The following FOXN3 variants were observed in gnomAD, a reference collection of about 807,000 sequenced individuals.
The protein encoded by FOXN3 is forkhead box protein N3.
FOXN3 carries 7 observed loss-of-function variants against 38.4 expected under a neutral mutation model. The observed-to-expected ratio is 0.18, with a 90% CI of 0.10 to 0.34. The LOEUF is 0.34. Among genes scored for constraint, FOXN3 ranks in the 10% least tolerant of loss-of-function variants. The probability of loss-of-function intolerance (pLI) is 1.00; values close to 1 mark genes in which losing one functional copy is unlikely to be tolerated. For synonymous variants in FOXN3, 230 were observed against 242.2 expected (o/e 0.95, Z 0.47); for missense variants, 456 against 613.4 (o/e 0.74, Z 2.71).
chr14:89,383,459 C>G (rs1328488808), intron 2 of FOXN3, among the ~76,000 whole-genome samples: 1 of 152,198 alleles, frequency 6.6e-6, no homozygotes, highest in Non-Finnish European at 1.5e-5. Flanking sequence ...CCAGAGCTGC[C>G]ATCACAAATT....
intron 1 of FOXN3, among the ~76,000 whole-genome samples, chr14:89,453,180 C>G (rs1566661341): frequency 6.6e-6 from 1 of 151,168 alleles, no homozygotes; most frequent in Non-Finnish European, 1.5e-5. Context: ...GCTTGGGAGA[C>G]AAGAGGAAAA....
chr14:89,367,756 C>A (rs1267875875), intron 2 of FOXN3, among the ~76,000 whole-genome samples: 1 of 152,192 alleles, frequency 6.6e-6, no homozygotes, highest in Non-Finnish European at 1.5e-5. Flanking sequence ...GCAGCAACCA[C>A]GTGGAAAAGG....
chr14:89,466,979 A>C (rs186214321), intron 1 of FOXN3, among the ~76,000 whole-genome samples: 255 of 152,370 alleles, frequency 1.7e-3, no homozygotes, highest in African/African-American at 5.7e-3. Flanking sequence ...TAAAGACGTG[A>C]TCACAGCGCC....
chr14:89,355,536 C>T (rs1052625767), intron 2 of FOXN3, among the ~76,000 whole-genome samples: 1 of 152,156 alleles, frequency 6.6e-6, no homozygotes, highest in Admixed American at 6.5e-5. Flanking sequence ...TACGCCCAGC[C>T]TATACTTTAA....
At chr14:89,435,373 TAAAAAAAA>T (rs763454392) in intron 1 of FOXN3, among the ~76,000 whole-genome samples, 4 of 131,334 alleles carry the variant, frequency 3.0e-5, no homozygotes, top group Non-Finnish European at 4.9e-5. Flanking sequence ...CCCTGTCTCT[TAAAAAAAA>T]AAAAAAAAAA....
At chr14:89,455,548 A>G (rs1892703339) in intron 1 of FOXN3, among the ~76,000 whole-genome samples, 1 of 152,180 alleles carries the variant, frequency 6.6e-6, no homozygotes, top group African/African-American at 2.4e-5. Flanking sequence ...CAGCCACTGG[A>G]GTAACGCCGA....
intron 1 of FOXN3, among the ~76,000 whole-genome samples, chr14:89,507,133 A>AG (rs1893958063): frequency 6.7e-6 from 1 of 149,272 alleles, no homozygotes; most frequent in South Asian, 2.1e-4. Flanking sequence ...AAAAAAAAAA[A>AG]GAAAAAAAAA....
At chr14:89,311,579 C>T (rs1887549930) in intron 3 of FOXN3, among the ~76,000 whole-genome samples, 1 of 151,710 alleles carries the variant, frequency 6.6e-6, no homozygotes, top group Admixed American at 6.6e-5. Context: ...GTAATCCCAG[C>T]ACTTTGGGAG....
intron 1 of FOXN3, among the ~76,000 whole-genome samples, chr14:89,498,467 C>T (rs1350668602): frequency 6.6e-6 from 1 of 151,996 alleles, no homozygotes; most frequent in South Asian, 2.1e-4. Flanking sequence ...GTGATCCGCC[C>T]GCCTCTGCCT....
At chr14:89,335,265 A>C (rs1367533470) in intron 3 of FOXN3, among the ~76,000 whole-genome samples, 1 of 152,248 alleles carries the variant, frequency 6.6e-6, no homozygotes, top group Admixed American at 6.5e-5. Flanking sequence ...GGGGCACAGA[A>C]GGACCAAAAA....
chr14:89,259,441 C>G (rs1885728609), intron 4 of FOXN3, among the ~76,000 whole-genome samples: 1 of 152,182 alleles, frequency 6.6e-6, no homozygotes, highest in Admixed American at 6.5e-5. Context: ...TGATCCCACT[C>G]CCAAACCAAT....
At chr14:89,398,973 A>C (rs968559205) in intron 2 of FOXN3, among the ~76,000 whole-genome samples, 5 of 152,214 alleles carry the variant, frequency 3.3e-5, no homozygotes, top group African/African-American at 1.2e-4. Context: ...AACAAGAGTA[A>C]AACTTCATCT....
chr14:89,603,949 C>T (rs1303451651), intron 1 of FOXN3, among the ~76,000 whole-genome samples: 1 of 151,982 alleles, frequency 6.6e-6, no homozygotes, highest in Non-Finnish European at 1.5e-5. Context: ...AAAATAAGTG[C>T]TAAGTAGAAA....
intron 4 of FOXN3, among the ~76,000 whole-genome samples, chr14:89,181,451 G>A (rs773308952): frequency 3.9e-5 from 6 of 152,110 alleles, no homozygotes; most frequent in South Asian, 2.1e-4. Flanking sequence ...CGTAAAAGCC[G>A]ATTTTAAAAG....
At chr14:89,438,827 A>C (rs142349537) in intron 1 of FOXN3, among the ~76,000 whole-genome samples, 8,244 of 151,500 alleles carry the variant, frequency 0.054, 291 homozygotes, top group Middle Eastern at 0.11. Flanking sequence ...GCAATGGCGC[A>C]ATCTCGGCCC....
intron 1 of FOXN3, among the ~76,000 whole-genome samples, chr14:89,555,303 A>G (rs1895094752): frequency 6.6e-6 from 1 of 152,222 alleles, no homozygotes; most frequent in African/African-American, 2.4e-5. Context: ...GTTGCAATTA[A>G]TATGATCAAT....
At chr14:89,581,548 C>CT (rs1171979475) in intron 1 of FOXN3, among the ~76,000 whole-genome samples, 4 of 152,034 alleles carry the variant, frequency 2.6e-5, no homozygotes, top group Non-Finnish European at 5.9e-5. Context: ...CCCTGGGTCA[C>CT]TTGTATGATA....
rs1231667524 is a variant in FOXN3 at position 89,511,165 on chromosome 14, C to CT, written c.-14-98676dup. Among the ~76,000 whole-genome samples, 51 of 23,066 alleles carry CT rather than the reference C, an allele frequency of 2.2e-3. 10 individuals are homozygous for CT. Among genetic ancestry groups the CT allele is most frequent in the African/African-American group, 3.6e-3 (49 of 13,510 alleles). 15.1% of individuals were successfully genotyped at this position (23,066 alleles called of 152,430 possible). A position where few individuals can be genotyped will look rare whatever the true frequency, so the allele number is the denominator to read the frequency against. ...CTTTTCTTTCTTTCTTTCTTTCTTT[C>CT]TTTCTTTCTTTCTTTCTTTCTTTCT... On this transcript the variant is annotated intron_variant, in intron 1 of 6. Transcript: ENST00000345097.
At chr14:89,567,124 C>G (rs1895370596) in intron 1 of FOXN3, among the ~76,000 whole-genome samples, 1 of 152,124 alleles carries the variant, frequency 6.6e-6, no homozygotes, top group Non-Finnish European at 1.5e-5. Context: ...TCATTTTTTC[C>G]TCATCATTCA....
Sources: gnomAD v4.1 joint callset for allele counts (sites outside exome capture counted in the v4.1 genomes callset) on GRCh38, gnomAD v4.1.1 for gene constraint, MANE v1.5 for transcripts, NCBI Gene and HGNC (gene_info 2026-07-23, HGNC 2026-07-21) for gene names.